Variants in RFX3 observed in about 807,000 individuals in gnomAD.
RFX3 encodes regulatory factor X3, also known as transcription factor RFX3.
Under a neutral mutation model 98.6 loss-of-function variants are expected in RFX3, and 14 were observed. The observed-to-expected ratio is 0.14, with a 90% CI of 0.09 to 0.22. The LOEUF (loss-of-function observed/expected upper bound fraction) is 0.22, where lower values mean the gene tolerates loss of function less well. Among genes scored for constraint, RFX3 ranks in the 10% least tolerant of loss-of-function variants. The probability of loss-of-function intolerance (pLI) is 1.00; values close to 1 mark genes in which losing one functional copy is unlikely to be tolerated. For synonymous variants in RFX3, 383 were observed against 328.4 expected (o/e 1.17, Z -1.80); for missense variants, 639 against 926.9 (o/e 0.69, Z 4.03).
rs115246154 is a variant in RFX3, at chr9:3,496,593, T to C, written c.-9+29154A>G. Among the ~76,000 whole-genome samples the C allele has an allele frequency of 1.5e-3, 226 of 152,162 alleles. 1 individual carries two copies. The highest frequency in any genetic ancestry group is 5.2e-3 in the African/African-American group (217 of 41,554). The stretch of plus-strand genomic sequence containing the variant: ...CACAGTTCAACTACTAATTCTGTAC[T>C]ATCACGTTAAGCTCTCTCTATACGC... On this transcript the variant is annotated intron_variant, in intron 1 of 16. Coordinates refer to ENST00000617270, the MANE Select transcript of RFX3 (RefSeq NM_001282116.2).
chr9:3,348,098 A>C (rs1399248999), intron 2 of RFX3, among the ~76,000 whole-genome samples: 2 of 152,164 alleles, frequency 1.3e-5, no homozygotes, highest in African/African-American at 4.8e-5. Flanking sequence ...TGAATCTCCA[A>C]GTTCCCTTAT....
chr9:3,498,735 C>T (rs1050530237), intron 1 of RFX3, among the ~76,000 whole-genome samples: 1 of 152,028 alleles, frequency 6.6e-6, no homozygotes, highest in East Asian at 1.9e-4. Context: ...GCTAAGCTTT[C>T]CCAAATCAAA....
chr9:3,470,016 A>G (rs1848636554), intron 1 of RFX3, among the ~76,000 whole-genome samples: 1 of 152,274 alleles, frequency 6.6e-6, no homozygotes, highest in South Asian at 2.1e-4. Context: ...TGTGTTAGAG[A>G]CAAGAAAGAG....
chr9:3,302,938 T>C (rs1293905040), intron 4 of RFX3, among the ~76,000 whole-genome samples: 2 of 151,790 alleles, frequency 1.3e-5, no homozygotes, highest in African/African-American at 4.8e-5. Context: ...TAATAAAACA[T>C]AATACTGAAA....
In RFX3 at chr9:3,423,581, A is replaced by T. The variant is rs865999486; in HGVS notation, c.-8-27985T>A. ...TTTATGTGAAATTCTAGAAAACAGA[A>T]ATCTCATCTAGAGAGACAGAAAGTA... is the stretch of plus-strand genomic sequence containing the variant. On this transcript the variant is annotated intron_variant, in intron 1 of 16. Transcript: ENST00000617270. Among the ~76,000 whole-genome samples the T allele has an allele frequency of 2.0e-5, 3 of 151,864 alleles. No homozygotes were observed. The East Asian group carries it at 5.8e-4, about 29-fold the overall frequency.
intron 2 of RFX3, among the ~76,000 whole-genome samples, chr9:3,382,863 C>T (rs959296038): frequency 6.6e-6 from 1 of 152,000 alleles, no homozygotes; most frequent in East Asian, 1.9e-4. Flanking sequence ...GTGGTTTAAA[C>T]TGGATATTTT....
intron 1 of RFX3, among the ~76,000 whole-genome samples, chr9:3,434,137 C>T (rs1402465998): frequency 6.6e-6 from 1 of 152,012 alleles, no homozygotes; most frequent in East Asian, 1.9e-4. Context: ...TTCAGAGAAT[C>T]GTATTTTTGA....
At chr9:3,503,717 G>C (rs1816300207) in intron 1 of RFX3, among the ~76,000 whole-genome samples, 1 of 151,988 alleles carries the variant, frequency 6.6e-6, no homozygotes, top group Admixed American at 6.6e-5. Flanking sequence ...CATGTACAAA[G>C]TTTTACAAAT....
chr9:3,431,372 T>C (rs370172094), intron 1 of RFX3, among the ~76,000 whole-genome samples: 5 of 152,204 alleles, frequency 3.3e-5, no homozygotes, highest in African/African-American at 1.2e-4. Context: ...TTGTTTCATA[T>C]GTACCATAGA....
chr9:3,403,581 C>A (rs1367655805), intron 1 of RFX3, among the ~76,000 whole-genome samples: 1 of 152,082 alleles, frequency 6.6e-6, no homozygotes, highest in Non-Finnish European at 1.5e-5. Context: ...CAAAGGTGTT[C>A]TCTTAACTAA....
At chr9:3,359,969 T>C (rs1020588463) in intron 2 of RFX3, among the ~76,000 whole-genome samples, 1 of 152,168 alleles carries the variant, frequency 6.6e-6, no homozygotes, top group Non-Finnish European at 1.5e-5. Flanking sequence ...AAGCTTATTT[T>C]CTATTTTAGT....
chr9:3,342,511 G>C (rs1834001621), intron 3 of RFX3, among the ~76,000 whole-genome samples: 1 of 152,114 alleles, frequency 6.6e-6, no homozygotes, highest in South Asian at 2.1e-4. Context: ...AAGTTTCAAA[G>C]AGTGGTTTAT....
Position 3,225,187 on chromosome 9 carries a change from GC to G in RFX3, c.2104del (p.Ala702HisfsTer20). On this transcript the variant is annotated frameshift_variant, in exon 17 of 17. Coordinates refer to ENST00000617270, the MANE Select transcript of RFX3 (RefSeq NM_001282116.2). LOFTEE classifies it high-confidence loss of function. ...AGGCTGCATGCAGCCCACTGGAAAT[GC>G]CTGGCTCAGCTCTGTTTTCTCTCTT... ...AKREKTELSQAFPVGCMQPVL... is the reference protein window; with the variant it reads ...AKREKTELSQXFPVGCMQPVL... The G allele has an allele frequency of 6.2e-7, 1 of 1,613,932 alleles. No homozygotes were observed. The highest frequency in any genetic ancestry group is 8.5e-7 in the Non-Finnish European group (1 of 1,179,940).
intron 3 of RFX3, among the ~76,000 whole-genome samples, chr9:3,342,769 A>G (rs1412532952): frequency 6.6e-6 from 1 of 152,216 alleles, no homozygotes; most frequent in Non-Finnish European, 1.5e-5. Context: ...ATAGTATTCT[A>G]ATTGATTAAA....
intron 1 of RFX3, among the ~76,000 whole-genome samples, chr9:3,475,102 A>T (rs1451822788): frequency 6.8e-6 from 1 of 146,760 alleles, no homozygotes; most frequent in Non-Finnish European, 1.5e-5. Flanking sequence ...CCTGTCTCCA[A>T]AAAAAAAAAA....
At chr9:3,356,726 T>C (rs1195304256) in intron 2 of RFX3, among the ~76,000 whole-genome samples, 1 of 151,882 alleles carries the variant, frequency 6.6e-6, no homozygotes, top group Non-Finnish European at 1.5e-5. Flanking sequence ...CAAAAATCTT[T>C]AACAAAATAT....
chr9:3,405,648 A>G (rs896870062), intron 1 of RFX3, among the ~76,000 whole-genome samples: 2 of 152,206 alleles, frequency 1.3e-5, no homozygotes, highest in Non-Finnish European at 2.9e-5. Flanking sequence ...AAAGAAGCTA[A>G]AAGTAAGAGC....
intron 1 of RFX3, among the ~76,000 whole-genome samples, chr9:3,417,647 A>G (rs372541856): frequency 1.3e-5 from 2 of 152,284 alleles, no homozygotes; most frequent in South Asian, 2.1e-4. Context: ...GAGATGCAGA[A>G]CCCCCTCAAT....
intron 5 of RFX3, among the ~76,000 whole-genome samples, chr9:3,296,073 T>C (rs1243711911): frequency 1.3e-5 from 2 of 151,952 alleles, no homozygotes; most frequent in Admixed American, 6.6e-5. Flanking sequence ...ATCTTGTAGA[T>C]TAAAATTTTT....
Sources: allele counts gnomAD v4.1 joint callset (sites outside exome capture counted in the v4.1 genomes callset), GRCh38; gene constraint gnomAD v4.1.1; transcripts MANE v1.5; gene names NCBI Gene and HGNC (gene_info 2026-07-23, HGNC 2026-07-21).